Variants in GFOD1 observed in about 807,000 individuals in gnomAD.
GFOD1 encodes the protein Gfo/Idh/MocA-like oxidoreductase domain containing 1, also known as glucose-fructose oxidoreductase domain-containing protein 1.
A neutral mutation model predicts 25.4 loss-of-function variants in GFOD1; 9 were observed. The ratio of observed to expected loss-of-function variants is 0.35; its 90% CI spans 0.21 to 0.62. GFOD1 has a LOEUF of 0.62. Ranked by LOEUF, GFOD1 falls within the 20% of genes least tolerant of loss-of-function variation. GFOD1 has a pLI of 0.72. For synonymous variants in GFOD1, 253 were observed against 245.6 expected, an observed-to-expected ratio of 1.03 and a Z score of -0.28; for missense variants, 403 against 556.9, an observed-to-expected ratio of 0.72 and a Z score of 2.78.
intron 1 of GFOD1, among the ~76,000 whole-genome samples, chr6:13,412,881 A>C (rs1186609545): frequency 6.6e-6 from 1 of 152,252 alleles, no homozygotes; most frequent in African/African-American, 2.4e-5. Context: ...TCATCTGAGA[A>C]GGCCTTGGGG....
chr6:13,474,612 C>T (rs529175236), intron 1 of GFOD1, among the ~76,000 whole-genome samples: 7 of 152,120 alleles, frequency 4.6e-5, no homozygotes, highest in Non-Finnish European at 7.3e-5. Context: ...TTTGCCTATG[C>T]GCTCTTCTTT....
Position 13,486,975 on chromosome 6 carries a change from C to T in GFOD1, c.-85G>A, listed in dbSNP as rs935195161. 2.0e-6 allele frequency: 3 copies of T among 1,483,452 alleles called. No homozygotes were observed. The highest frequency in any genetic ancestry group is 1.4e-5 in the African/African-American group (1 of 72,250). The allele number at this position is 1,483,452 out of a possible 1,614,324, so 91.9% of individuals were successfully genotyped here. ...CACCCACCTCTAGCCAGTCCTGCAC[C>T]CCGCTCCTGTAGCCAATCTAGCCGC... On this transcript the variant is annotated 5_prime_UTR_variant, in exon 1 of 2. Transcript: ENST00000379287.
intron 1 of GFOD1, among the ~76,000 whole-genome samples, chr6:13,420,585 C>T (rs989603572): frequency 1.3e-5 from 2 of 152,236 alleles, no homozygotes; most frequent in Non-Finnish European, 2.9e-5. Flanking sequence ...ACAAAAGGCA[C>T]GTGTTTTCTT....
intron 1 of GFOD1, chr6:13,407,979 A>G: frequency 2.0e-6 from 2 of 985,450 alleles, no homozygotes; most frequent in Non-Finnish European, 2.4e-6. Context: ...TTCTTGGGTC[A>G]GCACCCAAAG....
intron 1 of GFOD1, among the ~76,000 whole-genome samples, chr6:13,401,779 C>T (rs56853471): frequency 0.03 from 4,559 of 152,236 alleles, 200 homozygotes; most frequent in African/African-American, 0.1. Context: ...AAAACAATTG[C>T]TATCAAAATT....
At position 13,365,462 on chromosome 6, in the gene GFOD1, C is replaced by T. The variant is rs1356379183; in HGVS notation, c.454G>A (p.Gly152Ser). The T allele has an allele frequency of 6.2e-7, 1 of 1,613,728 alleles. No homozygotes were observed. The highest frequency in any genetic ancestry group is 1.1e-5 in the South Asian group (1 of 91,078). Reference protein sequence around the residue: ...EPLVCEVQVHGGSLLGKKYNW... With the variant: ...EPLVCEVQVHSGSLLGKKYNW... Reference sequence around the variant, plus strand: ...TACTTCTTGCCCAGCAGGCTGCCGCCGTGCACCTGCACCTCACACACCAGC... The same window carrying T: ...TACTTCTTGCCCAGCAGGCTGCCGCTGTGCACCTGCACCTCACACACCAGC... Residue 152 changes from glycine to serine, a missense_variant, in exon 2 of 2, where the codon GGC (glycine) becomes AGC (serine). Physicochemically the swap from Gly to Ser is moderately conservative, Grantham distance 56. Transcript: ENST00000379287. The surrounding 1 kb of genome is among the most constrained non-coding windows in gnomAD (Gnocchi z 9.2).
intron 1 of GFOD1, among the ~76,000 whole-genome samples, chr6:13,462,145 C>T (rs1758302259): frequency 6.6e-6 from 1 of 152,198 alleles, no homozygotes; most frequent in African/African-American, 2.4e-5. Flanking sequence ...TGGCACATGG[C>T]AAATACCATG....
Position 13,365,713 on chromosome 6 carries a change from G to A in GFOD1, c.254-51C>T, listed in dbSNP as rs1223234689. ...CAGCGGGGCAGGACCATGTCCGAGC[G>A]CGCGTCCCTGGGTCAGATCTTAAAA... On this transcript the variant is annotated intron_variant, in intron 1 of 1. Coordinates refer to ENST00000379287, the MANE Select transcript of GFOD1 (RefSeq NM_018988.4). The surrounding 1 kb of genome is among the most constrained non-coding windows in gnomAD (Gnocchi z 9.2). 1.7e-5 allele frequency: 22 copies of A among 1,260,882 alleles called. No homozygotes were observed. Among genetic ancestry groups the A allele is most frequent in the Non-Finnish European group, 2.4e-5 (21 of 885,544 alleles). 78.1% of individuals were successfully genotyped at this position (1,260,882 alleles called of 1,614,324 possible). A position where few individuals can be genotyped will look rare whatever the true frequency, so the allele number is the denominator to read the frequency against.
In GFOD1 at chr6:13,365,298, A is replaced by G. The variant is rs142660025; in HGVS notation, c.618T>C (p.Thr206=). The stretch of plus-strand genomic sequence containing the variant: ...TCTGTCGGATGCCCTTGATGTGGTC[A>G]GTCTGCTTCACGAAGGTCTTGAGCA... ...HGLLKTFVKQ[T]DHIKGIRQIT... Residue 206 remains threonine (T), a synonymous_variant, in exon 2 of 2, where the codon ACT becomes ACC. Coordinates refer to ENST00000379287, the MANE Select transcript of GFOD1 (RefSeq NM_018988.4). The surrounding 1 kb of genome is among the most constrained non-coding windows in gnomAD (Gnocchi z 9.2). 2.8e-5 allele frequency: 45 copies of G among 1,614,096 alleles called. No homozygotes were observed. Among genetic ancestry groups the G allele is most frequent in the Non-Finnish European group, 3.8e-5 (45 of 1,180,022 alleles).
chr6:13,420,665 T>C (rs1328332282), intron 1 of GFOD1, among the ~76,000 whole-genome samples: 1 of 152,174 alleles, frequency 6.6e-6, no homozygotes, highest in Non-Finnish European at 1.5e-5. Context: ...TTTTCCTAAG[T>C]CTCTAGAATA....
chr6:13,390,829 AT>A (rs1009925027), intron 1 of GFOD1, among the ~76,000 whole-genome samples: 1 of 151,650 alleles, frequency 6.6e-6, no homozygotes, highest in Non-Finnish European at 1.5e-5. Flanking sequence ...GGAAGGAAGG[AT>A]AATAACAGTA....
At position 13,368,522 on chromosome 6, in the gene GFOD1, G is replaced by A. The variant is rs147390694; in HGVS notation, c.254-2860C>T. Among the ~76,000 whole-genome samples the A allele has an allele frequency of 5.5e-3, 844 of 152,216 alleles. 4 individuals are homozygous for A. The highest frequency in any genetic ancestry group is 9.2e-3 in the Non-Finnish European group (628 of 68,004). On this transcript the variant is annotated intron_variant, in intron 1 of 1. Transcript: ENST00000379287. ...GAACAGATTTATATGTAAATGCAGC[G>A]GTAGGTCACTGCAGGGACAGGTGAT...
chr6:13,364,414 G>C lies in GFOD1; in HGVS notation c.*329C>G. The C allele has an allele frequency of 3.2e-6, 1 of 312,956 alleles. No individual in the cohort carries two copies. The highest frequency in any genetic ancestry group is 6.0e-6 in the Non-Finnish European group (1 of 166,042). 19.4% of individuals were successfully genotyped at this position (312,956 alleles called of 1,614,324 possible). On this transcript the variant is annotated 3_prime_UTR_variant, in exon 2 of 2. Coordinates refer to ENST00000379287, the MANE Select transcript of GFOD1 (RefSeq NM_018988.4). The surrounding 1 kb of genome is among the most constrained non-coding windows in gnomAD (Gnocchi z 4.1). ...CAAGGTGTGTGGGATGGATGAGGTA[G>C]GGAGGGAAGCAACCCCTCCTTGCTT...
chr6:13,446,601 G>A (rs1249338831), intron 1 of GFOD1, among the ~76,000 whole-genome samples: 1 of 152,182 alleles, frequency 6.6e-6, no homozygotes, highest in Non-Finnish European at 1.5e-5. Flanking sequence ...GGCTTATCAA[G>A]CAGCGTCAGC....
At chr6:13,450,876 T>G (rs1373812435) in intron 1 of GFOD1, among the ~76,000 whole-genome samples, 1 of 152,112 alleles carries the variant, frequency 6.6e-6, no homozygotes, top group Non-Finnish European at 1.5e-5. Context: ...CAGCCAAGGG[T>G]CAACTTTGCA....
chr6:13,395,473 T>C (rs1325095120), intron 1 of GFOD1, among the ~76,000 whole-genome samples: 2 of 152,194 alleles, frequency 1.3e-5, no homozygotes, highest in Non-Finnish European at 2.9e-5. Flanking sequence ...ATTCATGAAT[T>C]AGCCAGAAAT....
At chr6:13,410,940 T>A (rs993917679) in intron 1 of GFOD1, among the ~76,000 whole-genome samples, 2 of 151,716 alleles carry the variant, frequency 1.3e-5, no homozygotes, top group African/African-American at 4.8e-5. Context: ...CAATACAGAG[T>A]TTAATTTCAC....
chr6:13,409,223 GAGGA>G (rs1235547158), intron 1 of GFOD1, among the ~76,000 whole-genome samples: 3 of 125,046 alleles, frequency 2.4e-5, no homozygotes, highest in African/African-American at 8.0e-5. Flanking sequence ...AAGAGAGAGA[GAGGA>G]AGGAAGGAAG....
At chr6:13,424,610 C>T (rs1786318949) in intron 1 of GFOD1, among the ~76,000 whole-genome samples, 1 of 152,114 alleles carries the variant, frequency 6.6e-6, no homozygotes, top group African/African-American at 2.4e-5. Context: ...ATTGGAAAAA[C>T]AGTATAATCA....
Sources: allele counts gnomAD v4.1 joint callset (sites outside exome capture counted in the v4.1 genomes callset), GRCh38; gene constraint gnomAD v4.1.1; non-coding constraint Gnocchi (gnomAD v3.1); transcripts MANE v1.5; gene names NCBI Gene and HGNC (gene_info 2026-07-23, HGNC 2026-07-21).